The following SNX29 variants were observed in gnomAD, a reference collection of about 807,000 sequenced individuals.
SNX29 encodes sorting nexin-29.
A neutral mutation model predicts 102.1 loss-of-function variants in SNX29; 78 were observed. That is an observed-to-expected ratio of 0.76 (90% CI 0.64 to 0.92). The LOEUF (loss-of-function observed/expected upper bound fraction) is 0.92. SNX29 is among the 40% of genes least tolerant of loss of function. The pLI, the probability that SNX29 is intolerant of heterozygous loss-of-function variation, is 0.00. For synonymous variants in SNX29, 580 were observed against 414.5 expected (o/e 1.40, Z -4.85); for missense variants, 1,280 against 1,061.7 (o/e 1.21, Z -2.86).
chr16:12,138,932 G>C (rs531057041), intron 13 of SNX29, among the ~76,000 whole-genome samples: 1 of 152,208 alleles, frequency 6.6e-6, no homozygotes, highest in African/African-American at 2.4e-5. Context: ...GTCAGGCACG[G>C]TGGCTCACGC....
intron 13 of SNX29, among the ~76,000 whole-genome samples, chr16:12,140,158 A>G (rs2054819788): frequency 6.6e-6 from 1 of 152,128 alleles, no homozygotes; most frequent in Non-Finnish European, 1.5e-5. Flanking sequence ...CTCAGGGGGT[A>G]TCACGCATAT....
chr16:12,321,465 G>T (rs1375655244), intron 15 of SNX29, among the ~76,000 whole-genome samples: 1 of 152,208 alleles, frequency 6.6e-6, no homozygotes, highest in Non-Finnish European at 1.5e-5. Context: ...CAGGTGACCT[G>T]TGTCAAGGGC....
chr16:12,542,726 A>G (rs541202431), intron 20 of SNX29, among the ~76,000 whole-genome samples: 6,856 of 150,258 alleles, frequency 0.046, 270 homozygotes, highest in East Asian at 0.18. Flanking sequence ...TTACTCTTAA[A>G]TCTTGTGCAT....
intron 15 of SNX29, 36 bp from the exon 16 acceptor site, chr16:12,356,124 TCTG>T (rs2082127556): frequency 6.3e-7 from 1 of 1,580,558 alleles, no homozygotes; most frequent in Non-Finnish European, 8.6e-7. Context: ...CTGGGGAATG[TCTG>T]CCTCTAAGCC....
chr16:12,239,627 A>G (rs2142276009), intron 14 of SNX29, among the ~76,000 whole-genome samples: 1 of 131,782 alleles, frequency 7.6e-6, no homozygotes, highest in South Asian at 2.6e-4. Flanking sequence ...AAGGAGTGAG[A>G]CCCTGTTTCT....
chr16:12,555,265 G>A (rs546714259), intron 20 of SNX29, among the ~76,000 whole-genome samples: 16 of 151,498 alleles, frequency 1.1e-4, no homozygotes, highest in African/African-American at 3.4e-4. Flanking sequence ...TCAAACCCAG[G>A]GTATGACCTC....
chr16:12,502,428 C>A (rs1255226628), intron 19 of SNX29, among the ~76,000 whole-genome samples: 1 of 152,128 alleles, frequency 6.6e-6, no homozygotes, highest in Non-Finnish European at 1.5e-5. Context: ...TGCTTCACAG[C>A]CGCCGGTGGT....
At chr16:12,210,899 C>T (rs192263969) in intron 14 of SNX29, among the ~76,000 whole-genome samples, 46 of 152,268 alleles carry the variant, frequency 3.0e-4, no homozygotes, top group African/African-American at 1.1e-3. Context: ...GAGACCTCAT[C>T]GTTGCTCTCC....
At chr16:12,517,811 G>T (rs895500946) in intron 19 of SNX29, among the ~76,000 whole-genome samples, 3 of 152,082 alleles carry the variant, frequency 2.0e-5, no homozygotes, top group Non-Finnish European at 4.4e-5. Flanking sequence ...ATCAGAGAGG[G>T]CCTGGGCGAC....
chr16:12,515,675 A>G, intron 19 of SNX29: 1 of 478,068 alleles, frequency 2.1e-6, no homozygotes, highest in Non-Finnish European at 4.2e-6. Context: ...AGCACTCTTT[A>G]TGATGTATTC....
intron 20 of SNX29, among the ~76,000 whole-genome samples, chr16:12,560,083 G>C (rs929052291): frequency 7.2e-5 from 11 of 151,976 alleles, no homozygotes; most frequent in African/African-American, 2.7e-4. Context: ...TGTCCTAACA[G>C]TGGTTATCCA....
chr16:12,519,303 C>T lies in SNX29; in HGVS notation c.2179-5399C>T, dbSNP rs1054782234. Among the ~76,000 whole-genome samples, 12 of 152,240 alleles carry T rather than the reference C, an allele frequency of 7.9e-5. 1 individual carries two copies. The highest frequency in any genetic ancestry group is 6.2e-4 in the South Asian group (3 of 4,818). ...CCCAAAAGGTCAGAACCCAGGTGAT[C>T]GCAGGGGGAGTCCAGTCTGAACAGT... On this transcript the variant is annotated intron_variant, in intron 19 of 20. Coordinates refer to ENST00000566228, the MANE Select transcript of SNX29 (RefSeq NM_032167.5).
At chr16:12,198,904 A>G (rs564993686) in intron 13 of SNX29, among the ~76,000 whole-genome samples, 86 of 152,360 alleles carry the variant, frequency 5.6e-4, no homozygotes, top group Non-Finnish European at 1.1e-3. Context: ...TAAATACTCA[A>G]CAAATGGCAG....
At chr16:12,451,191 C>T (rs748645692) in intron 18 of SNX29, among the ~76,000 whole-genome samples, 10 of 152,210 alleles carry the variant, frequency 6.6e-5, no homozygotes, top group Non-Finnish European at 8.8e-5. Context: ...GTTATGAGCT[C>T]ATTACTGCCA....
intron 6 of SNX29, 36 bp downstream of exon 6, chr16:12,046,490 G>C (rs776267702): frequency 1.1e-5 from 18 of 1,609,394 alleles, no homozygotes; most frequent in Non-Finnish European, 1.5e-5. Flanking sequence ...AGGGCCTTGT[G>C]ACACTTGGCA....
intron 19 of SNX29, among the ~76,000 whole-genome samples, chr16:12,478,666 C>T (rs909371996): frequency 6.6e-6 from 1 of 152,194 alleles, no homozygotes; most frequent in Admixed American, 6.5e-5. Context: ...TCAGCTTCAG[C>T]CAGGCGGCAT....
intron 5 of SNX29, 133 bp from the exon 6 acceptor site, chr16:12,046,251 C>T (rs1750956191): frequency 1.2e-6 from 1 of 820,642 alleles, no homozygotes; most frequent in Non-Finnish European, 2.0e-6. Context: ...CCAGCAGAGA[C>T]CTCAGACAAA....
chr16:12,481,548 A>AT (rs1567608714), intron 19 of SNX29, among the ~76,000 whole-genome samples: 1 of 128,586 alleles, frequency 7.8e-6, no homozygotes, highest in African/African-American at 3.0e-5. Context: ...ACACACACAC[A>AT]CACACACCCC....
chr16:12,447,281 T>C (rs1359823402), intron 18 of SNX29, among the ~76,000 whole-genome samples: 1 of 148,744 alleles, frequency 6.7e-6, no homozygotes, highest in Non-Finnish European at 1.5e-5. Flanking sequence ...AGAAGTCCCA[T>C]CGGCTTAGCA....
Sources: allele counts gnomAD v4.1 joint callset (sites outside exome capture counted in the v4.1 genomes callset), GRCh38; gene constraint gnomAD v4.1.1; transcripts MANE v1.5; gene names NCBI Gene and HGNC (gene_info 2026-07-23, HGNC 2026-07-21).